Variants in KCNIP4 observed in about 807,000 individuals in gnomAD.
KCNIP4 encodes the protein potassium voltage-gated channel interacting protein 4.
In KCNIP4, 12 loss-of-function variants were observed where a neutral mutation model predicts 34.0. The observed-to-expected ratio is 0.35, with a 90% confidence interval of 0.23 to 0.57. The LOEUF is 0.57. Among genes scored for constraint, KCNIP4 ranks in the 20% least tolerant of loss-of-function variants. The pLI, the probability that KCNIP4 is intolerant of heterozygous loss-of-function variation, is 0.83. For synonymous variants in KCNIP4, 124 were observed against 102.2 expected (o/e 1.21, Z -1.29); for missense variants, 238 against 311.7 (o/e 0.76, Z 1.78).
intron 1 of KCNIP4, among the ~76,000 whole-genome samples, chr4:21,606,433 G>T (rs1577681333): frequency 6.6e-6 from 1 of 152,102 alleles, no homozygotes; most frequent in Non-Finnish European, 1.5e-5. Flanking sequence ...AAACTTAGTG[G>T]CTTCCAAAAT....
intron 3 of KCNIP4, among the ~76,000 whole-genome samples, chr4:20,812,252 A>G (rs935915405): frequency 2.0e-5 from 3 of 152,168 alleles, no homozygotes; most frequent in African/African-American, 7.2e-5. Context: ...GGAAAAAGGG[A>G]AAGAAAATCC....
intron 1 of KCNIP4, among the ~76,000 whole-genome samples, chr4:20,991,592 G>T (rs1000855905): frequency 7.9e-5 from 12 of 152,172 alleles, no homozygotes; most frequent in Middle Eastern, 3.4e-3. Flanking sequence ...ATAAAAGAGG[G>T]CTCCAGGAAA....
At chr4:20,877,021 CCTT>C (rs141089442) in intron 2 of KCNIP4, among the ~76,000 whole-genome samples, 6,457 of 152,240 alleles carry the variant, frequency 0.042, 389 homozygotes, top group African/African-American at 0.14. Context: ...CATTTAGCCT[CCTT>C]CTTTCTAAAT....
chr4:21,041,632 A>G (rs1741968863), intron 1 of KCNIP4, among the ~76,000 whole-genome samples: 2 of 152,216 alleles, frequency 1.3e-5, no homozygotes, highest in African/African-American at 4.8e-5. Flanking sequence ...GCACAATTTA[A>G]TTGCAATCAG....
intron 1 of KCNIP4, among the ~76,000 whole-genome samples, chr4:21,836,167 G>A (rs1014355544): frequency 1.3e-5 from 2 of 152,116 alleles, no homozygotes; most frequent in African/African-American, 2.4e-5. Context: ...TTTCACTTAG[G>A]TTCTTAAGTT....
At chr4:21,372,899 T>A (rs1720604581) in intron 1 of KCNIP4, among the ~76,000 whole-genome samples, 2 of 146,020 alleles carry the variant, frequency 1.4e-5, no homozygotes, top group South Asian at 4.2e-4. Flanking sequence ...AAAATTTTAT[T>A]CCCAATTTGA....
At chr4:20,997,268 G>T (rs1190681960) in intron 1 of KCNIP4, among the ~76,000 whole-genome samples, 1 of 152,208 alleles carries the variant, frequency 6.6e-6, no homozygotes, top group East Asian at 1.9e-4. Context: ...TGAGTAGGCT[G>T]TTGTAATGGT....
At chr4:21,375,132 T>C (rs928270580) in intron 1 of KCNIP4, among the ~76,000 whole-genome samples, 1 of 147,390 alleles carries the variant, frequency 6.8e-6, no homozygotes, top group African/African-American at 2.7e-5. Flanking sequence ...TACTCAAGTA[T>C]TCAAAAGCAG....
intron 1 of KCNIP4, among the ~76,000 whole-genome samples, chr4:21,198,111 C>T (rs1003879308): frequency 2.6e-5 from 4 of 152,128 alleles, no homozygotes; most frequent in Admixed American, 2.6e-4. Flanking sequence ...CAGGTAAGGA[C>T]CTGAAATCCA....
At chr4:20,743,010 A>ATGTGAAGGACCCTTATAAGGG (rs199529463) in intron 5 of KCNIP4, among the ~76,000 whole-genome samples, 5,474 of 148,800 alleles carry the variant, frequency 0.037, 180 homozygotes, top group African/African-American at 0.073. Flanking sequence ...CTTATATGGG[A>ATGTGAAGGACCCTTATAAGGG]TGTGAAGGAC....
At chr4:21,503,655 A>G (rs573095544) in intron 1 of KCNIP4, among the ~76,000 whole-genome samples, 4 of 152,282 alleles carry the variant, frequency 2.6e-5, no homozygotes, top group African/African-American at 9.6e-5. Flanking sequence ...CAGAAAGCCC[A>G]CCCTGCTACT....
intron 1 of KCNIP4, among the ~76,000 whole-genome samples, chr4:21,040,390 C>G (rs1741853072): frequency 1.3e-5 from 2 of 152,102 alleles, no homozygotes; most frequent in African/African-American, 4.8e-5. Flanking sequence ...TTCTCATGAA[C>G]ATCTTAAGGT....
chr4:21,224,747 T>C (rs1287129528), intron 1 of KCNIP4, among the ~76,000 whole-genome samples: 1 of 151,638 alleles, frequency 6.6e-6, no homozygotes, highest in East Asian at 1.9e-4. Flanking sequence ...CCACCATGCC[T>C]GGCTAATTTT....
chr4:21,091,986 T>G (rs1490928852), intron 1 of KCNIP4, among the ~76,000 whole-genome samples: 1 of 152,176 alleles, frequency 6.6e-6, no homozygotes, highest in East Asian at 1.9e-4. Context: ...AAGACTCAGA[T>G]AGGCTCAGCA....
intron 1 of KCNIP4, among the ~76,000 whole-genome samples, chr4:20,898,866 T>G (rs531319689): frequency 6.6e-6 from 1 of 152,184 alleles, no homozygotes; most frequent in Non-Finnish European, 1.5e-5. Context: ...AGCAAGGTAC[T>G]AGGCATTTTA....
At chr4:21,289,255 A>T (rs988805862) in intron 1 of KCNIP4, among the ~76,000 whole-genome samples, 2 of 152,224 alleles carry the variant, frequency 1.3e-5, no homozygotes, top group Non-Finnish European at 2.9e-5. Flanking sequence ...TAATTGGGGC[A>T]TCTGTTACCT....
chr4:21,764,248 A>G (rs1301356442), intron 1 of KCNIP4, among the ~76,000 whole-genome samples: 1 of 152,156 alleles, frequency 6.6e-6, no homozygotes, highest in Non-Finnish European at 1.5e-5. Context: ...GAATGTGGCC[A>G]TAACACCAGC....
At chr4:20,826,407 C>T (rs555606363) in intron 3 of KCNIP4, among the ~76,000 whole-genome samples, 2 of 151,652 alleles carry the variant, frequency 1.3e-5, no homozygotes, top group South Asian at 2.1e-4. Flanking sequence ...AGACCCCCAT[C>T]TCTAAAATTT....
intron 1 of KCNIP4, among the ~76,000 whole-genome samples, chr4:21,059,805 A>G (rs1743756876): frequency 6.6e-6 from 1 of 152,136 alleles, no homozygotes; most frequent in South Asian, 2.1e-4. Context: ...TTCATTTATC[A>G]CTTTAGTCAC....
Sources: gnomAD v4.1 joint callset for allele counts (sites outside exome capture counted in the v4.1 genomes callset) on GRCh38, gnomAD v4.1.1 for gene constraint, MANE v1.5 for transcripts, NCBI Gene and HGNC (gene_info 2026-07-23, HGNC 2026-07-21) for gene names.